The following CADM1 variants were observed in gnomAD, a reference collection of about 807,000 sequenced individuals.
CADM1 encodes TSLC-1.
CADM1 carries 15 observed loss-of-function variants against 53.1 expected under a neutral mutation model. The ratio of observed to expected loss-of-function variants is 0.28; its 90% CI spans 0.19 to 0.44. CADM1 has a LOEUF of 0.44. Ranked by LOEUF, CADM1 falls within the 20% of genes least tolerant of loss-of-function variation. The pLI, the probability that CADM1 is intolerant of heterozygous loss-of-function variation, is 1.00. For missense variants in CADM1, 434 were observed against 611.3 expected (o/e 0.71, Z 3.06); for synonymous variants, 281 against 243.0 (o/e 1.16, Z -1.45).
At chr11:115,264,452 C>T (rs1327786992) in intron 1 of CADM1, among the ~76,000 whole-genome samples, 3 of 152,236 alleles carry the variant, frequency 2.0e-5, no homozygotes, top group African/African-American at 7.2e-5. Context: ...TCACTTCCAT[C>T]TCTGTCATCT....
intron 1 of CADM1, among the ~76,000 whole-genome samples, chr11:115,276,206 A>G (rs531599195): frequency 2.0e-5 from 3 of 152,350 alleles, no homozygotes; most frequent in African/African-American, 7.2e-5. Flanking sequence ...ATTTTAAATG[A>G]CTATGATTTA....
rs552309443 is a variant in CADM1, at chr11:115,369,026, TAAAAA to T, written c.125-128611_125-128607del. Among the ~76,000 whole-genome samples, 33 of 44,748 alleles carry T rather than the reference TAAAAA, an allele frequency of 7.4e-4. 2 individuals carry two copies. The highest frequency in any genetic ancestry group is 1.3e-3 in the South Asian group (1 of 748). The allele number at this position is 44,748 out of a possible 152,430, so 29.4% of individuals were successfully genotyped here. On this transcript the variant is annotated intron_variant, in intron 1 of 11. Transcript: ENST00000331581. ...GTGCCTAGCAGAGTGAAAAAAAATC[TAAAAA>T]AAAAAAAAAAAAAAAAAAAAAAATT...
chr11:115,340,656 A>ATTTTTT (rs1365807207), intron 1 of CADM1, among the ~76,000 whole-genome samples: 12 of 52,344 alleles, frequency 2.3e-4, no homozygotes, highest in Admixed American at 8.9e-4. Context: ...ATATATATAT[A>ATTTTTT]TATTTTTTTT....
chr11:115,292,232 C>T (rs1296316719), intron 1 of CADM1, among the ~76,000 whole-genome samples: 1 of 152,162 alleles, frequency 6.6e-6, no homozygotes, highest in African/African-American at 2.4e-5. Context: ...TTAAATGGAT[C>T]AGAGGCAGTC....
chr11:115,319,022 C>T (rs1944750468), intron 1 of CADM1, among the ~76,000 whole-genome samples: 1 of 152,064 alleles, frequency 6.6e-6, no homozygotes, highest in East Asian at 1.9e-4. Flanking sequence ...TGAATTAGAT[C>T]CTGTTTTTAC....
At chr11:115,426,689 C>G (rs911461796) in intron 1 of CADM1, among the ~76,000 whole-genome samples, 4 of 152,116 alleles carry the variant, frequency 2.6e-5, no homozygotes, top group Non-Finnish European at 5.9e-5. Flanking sequence ...CTCTTCTTCA[C>G]CCACCCTCCC....
chr11:115,394,337 T>C (rs1163541876), intron 1 of CADM1, among the ~76,000 whole-genome samples: 1 of 152,170 alleles, frequency 6.6e-6, no homozygotes, highest in African/African-American at 2.4e-5. Context: ...TCAAATATAT[T>C]TCTTAAGGCT....
chr11:115,254,777 TAGAG>T (rs1020914756), intron 1 of CADM1, among the ~76,000 whole-genome samples: 2 of 152,082 alleles, frequency 1.3e-5, no homozygotes, highest in Non-Finnish European at 1.5e-5. Context: ...GTGCTCTGAA[TAGAG>T]ACAAGAAGGA....
At chr11:115,443,205 A>T (rs1948365199) in intron 1 of CADM1, among the ~76,000 whole-genome samples, 1 of 150,030 alleles carries the variant, frequency 6.7e-6, no homozygotes, top group Non-Finnish European at 1.5e-5. Context: ...AAGGGAGAAA[A>T]AAAAATCTGT....
intron 1 of CADM1, among the ~76,000 whole-genome samples, chr11:115,497,460 T>C (rs1314625448): frequency 1.3e-5 from 2 of 152,186 alleles, no homozygotes; most frequent in African/African-American, 2.4e-5. Flanking sequence ...CCACACGTCA[T>C]TTGAGCTGTG....
At chr11:115,233,496 T>C (rs968198827) in intron 3 of CADM1, among the ~76,000 whole-genome samples, 5 of 152,282 alleles carry the variant, frequency 3.3e-5, no homozygotes, top group African/African-American at 1.2e-4. Context: ...AGATGGTTGA[T>C]AGGGGATACA....
intron 10 of CADM1, among the ~76,000 whole-genome samples, chr11:115,188,488 A>C (rs1332227657): frequency 6.6e-6 from 1 of 152,208 alleles, no homozygotes; most frequent in African/African-American, 2.4e-5. Flanking sequence ...AACTGTCATT[A>C]ATGAAGGTAG....
chr11:115,475,198 T>C (rs370607053), intron 1 of CADM1, among the ~76,000 whole-genome samples: 57 of 152,288 alleles, frequency 3.7e-4, no homozygotes, highest in Middle Eastern at 3.4e-3. Flanking sequence ...TAATACCTAA[T>C]AGAACGTAAA....
Position 115,355,400 on chromosome 11 carries a change from G to A in CADM1, c.125-114980C>T, listed in dbSNP as rs146019874. Reference sequence around the variant, plus strand: ...TAATTGTTCTCACTCATCAGTAGGAGCAAAGTGATGAGAACACATGGATGC... The same window carrying A: ...TAATTGTTCTCACTCATCAGTAGGAACAAAGTGATGAGAACACATGGATGC... On this transcript the variant is annotated intron_variant, in intron 1 of 11. Transcript: ENST00000331581. 6.6e-3 allele frequency among the ~76,000 whole-genome samples: 998 copies of A among 152,206 alleles called. 7 individuals carry two copies. Among genetic ancestry groups the A allele is most frequent in the South Asian group, 0.02 (96 of 4,820 alleles).
At chr11:115,457,696 CT>C (rs768885540) in intron 1 of CADM1, among the ~76,000 whole-genome samples, 74 of 152,262 alleles carry the variant, frequency 4.9e-4, no homozygotes, top group African/African-American at 1.4e-3. Context: ...AACCTCCCCC[CT>C]ATACCTCCTT....
chr11:115,467,126 G>C (rs1243181137), intron 1 of CADM1, among the ~76,000 whole-genome samples: 1 of 152,202 alleles, frequency 6.6e-6, no homozygotes, highest in Non-Finnish European at 1.5e-5. Flanking sequence ...TATATTATGA[G>C]AGACCGGGTG....
intron 1 of CADM1, among the ~76,000 whole-genome samples, chr11:115,292,013 A>G (rs1404504227): frequency 2.0e-5 from 3 of 152,148 alleles, no homozygotes; most frequent in Non-Finnish European, 4.4e-5. Context: ...ACCTATGGAA[A>G]ACACAATTGG....
chr11:115,282,340 C>A (rs1216124154), intron 1 of CADM1, among the ~76,000 whole-genome samples: 1 of 152,104 alleles, frequency 6.6e-6, no homozygotes, highest in African/African-American at 2.4e-5. Context: ...ATGGCTGGAA[C>A]CTTTAGCTTC....
At chr11:115,336,848 T>C (rs989827582) in intron 1 of CADM1, among the ~76,000 whole-genome samples, 2 of 152,298 alleles carry the variant, frequency 1.3e-5, no homozygotes, top group Non-Finnish European at 2.9e-5. Flanking sequence ...AAAAATTAAA[T>C]TGAACTTATT....
Sources: allele counts gnomAD v4.1 joint callset (sites outside exome capture counted in the v4.1 genomes callset), GRCh38; gene constraint gnomAD v4.1.1; transcripts MANE v1.5; gene names NCBI Gene and HGNC (gene_info 2026-07-23, HGNC 2026-07-21).